ATP2B2: variants seen among roughly 807,000 people sequenced by gnomAD.
The protein encoded by ATP2B2 is plasma membrane calcium-transporting ATPase 2.
Under a neutral mutation model 120.0 loss-of-function variants are expected in ATP2B2, and 15 were observed. The observed-to-expected ratio is 0.12, with a 90% CI of 0.08 to 0.19. The LOEUF is 0.19. Among genes scored for constraint, ATP2B2 ranks in the 10% least tolerant of loss-of-function variants. The probability of loss-of-function intolerance (pLI) is 1.00; values close to 1 mark genes in which losing one functional copy is unlikely to be tolerated. For missense variants in ATP2B2, 1,045 were observed against 1,719.8 expected (o/e 0.61, Z 6.94); for synonymous variants, 694 against 700.3 (o/e 0.99, Z 0.14).
At chr3:10,338,049 G>T (rs995913721) in intron 22 of ATP2B2, 127 bp downstream of exon 22, 2 of 1,259,988 alleles carry the variant, frequency 1.6e-6, no homozygotes, top group African/African-American at 1.5e-5. Flanking sequence ...AGCTGGCCGG[G>T]ACCCCTCTGT....
intron 2 of ATP2B2, among the ~76,000 whole-genome samples, chr3:10,591,720 G>A (rs555697858): frequency 2.0e-5 from 3 of 152,308 alleles, no homozygotes; most frequent in South Asian, 2.1e-4. Context: ...TAACAGCCTC[G>A]ATGGTTCAAG....
intron 2 of ATP2B2, among the ~76,000 whole-genome samples, chr3:10,605,106 A>T (rs1258779813): frequency 2.0e-5 from 3 of 152,172 alleles, no homozygotes; most frequent in Admixed American, 6.5e-5. Context: ...TAATACTTCC[A>T]TCTCTGCCAC....
chr3:10,570,907 C>G (rs1436123036), intron 2 of ATP2B2, among the ~76,000 whole-genome samples: 1 of 152,252 alleles, frequency 6.6e-6, no homozygotes, highest in Non-Finnish European at 1.5e-5. Flanking sequence ...GGCCCCTACT[C>G]TCCAATCCTT....
chr3:10,696,333 AAC>A (rs1358904212), intron 1 of ATP2B2, among the ~76,000 whole-genome samples: 1 of 152,162 alleles, frequency 6.6e-6, no homozygotes, highest in Admixed American at 6.5e-5. Context: ...TCAGTCTTTG[AAC>A]ACACAGTCTT....
chr3:10,539,958 C>T (rs1022806073), intron 2 of ATP2B2, among the ~76,000 whole-genome samples: 6 of 152,196 alleles, frequency 3.9e-5, no homozygotes, highest in African/African-American at 1.4e-4. Flanking sequence ...AAAATTTTTG[C>T]AATCTACCCA....
intron 1 of ATP2B2, among the ~76,000 whole-genome samples, chr3:10,641,883 C>T (rs927887713): frequency 6.6e-6 from 1 of 152,052 alleles, no homozygotes; most frequent in Non-Finnish European, 1.5e-5. Flanking sequence ...CCTACCCACC[C>T]ATCCATCCAT....
rs188967230 is a variant in ATP2B2 at position 10,571,340 on chromosome 3, G to A, written c.-414-37207C>T. On this transcript the variant is annotated intron_variant, in intron 2 of 21. Transcript: ENST00000646379. ...AGAGCCTTCAGCAGGGATGCCAGAG[G>A]GCCAGGTAGGTGACTCGTGGCCTCA... is the stretch of plus-strand genomic sequence containing the variant. Among the ~76,000 whole-genome samples, 140 of 152,332 alleles carry A rather than the reference G, an allele frequency of 9.2e-4. 2 individuals carry two copies. The Middle Eastern group carries it at 0.01, about 11-fold the overall frequency.
chr3:10,368,016 T>C (rs2061116457), intron 12 of ATP2B2, among the ~76,000 whole-genome samples: 1 of 152,160 alleles, frequency 6.6e-6, no homozygotes, highest in Non-Finnish European at 1.5e-5. Context: ...CTCTTAACCA[T>C]TGCTTCCTGA....
chr3:10,360,201 C>T, intron 12 of ATP2B2, 78 bp from the exon 13 acceptor site: 1 of 1,509,410 alleles, frequency 6.6e-7, no homozygotes. Flanking sequence ...CACTGAGGCT[C>T]TGGGACTGCC....
At chr3:10,528,932 G>A (rs2067154494) in intron 3 of ATP2B2, among the ~76,000 whole-genome samples, 1 of 152,146 alleles carries the variant, frequency 6.6e-6, no homozygotes, top group African/African-American at 2.4e-5. Flanking sequence ...TATTTGGGAT[G>A]GGGAAGCTTA....
chr3:10,599,717 A>G (rs953698289), intron 2 of ATP2B2, among the ~76,000 whole-genome samples: 3 of 148,802 alleles, frequency 2.0e-5, no homozygotes, highest in Non-Finnish European at 4.4e-5. Context: ...TATTCATTCA[A>G]CCGTGACTGA....
intron 1 of ATP2B2, among the ~76,000 whole-genome samples, chr3:10,686,590 C>T (rs1053963601): frequency 3.3e-5 from 5 of 151,962 alleles, no homozygotes; most frequent in Middle Eastern, 3.4e-3. Flanking sequence ...GGAGGCAGAG[C>T]TTGCAGTGAG....
intron 1 of ATP2B2, among the ~76,000 whole-genome samples, chr3:10,687,929 A>G (rs948014216): frequency 6.6e-6 from 1 of 152,234 alleles, no homozygotes; most frequent in African/African-American, 2.4e-5. Flanking sequence ...GGGTGACCTT[A>G]GAAATAATAA....
At chr3:10,544,408 A>C (rs117076555) in intron 2 of ATP2B2, among the ~76,000 whole-genome samples, 48 of 152,312 alleles carry the variant, frequency 3.2e-4, no homozygotes, top group Non-Finnish European at 4.9e-4. Context: ...AGTTTAACAA[A>C]TATTTGTGGG....
chr3:10,411,352 T>G (rs2062603965), intron 2 of ATP2B2, among the ~76,000 whole-genome samples: 1 of 152,170 alleles, frequency 6.6e-6, no homozygotes, highest in South Asian at 2.1e-4. Context: ...ACCTCTGGCC[T>G]CGAGTCATGA....
At chr3:10,403,275 A>T (rs2062291245) in intron 3 of ATP2B2, among the ~76,000 whole-genome samples, 1 of 152,184 alleles carries the variant, frequency 6.6e-6, no homozygotes, top group African/African-American at 2.4e-5. Flanking sequence ...CGCCCTCCAC[A>T]GTGAGGACAC....
intron 22 of ATP2B2, chr3:10,332,086 T>A: frequency 6.6e-7 from 1 of 1,509,734 alleles, no homozygotes; most frequent in Non-Finnish European, 9.0e-7. Flanking sequence ...AGGTCTAGGG[T>A]TCCCCCCACA....
chr3:10,552,148 C>A (rs1031523402), intron 2 of ATP2B2, among the ~76,000 whole-genome samples: 3 of 152,040 alleles, frequency 2.0e-5, no homozygotes, highest in African/African-American at 4.8e-5. Context: ...ACCCTTCCCA[C>A]GGCCGCCGCC....
intron 1 of ATP2B2, among the ~76,000 whole-genome samples, chr3:10,668,861 T>TAGGCAGCAC (rs2071018601): frequency 6.6e-6 from 1 of 152,162 alleles, no homozygotes; most frequent in Admixed American, 6.5e-5. Context: ...ATGGGCAGCA[T>TAGGCAGCAC]ACAGTAGGCA....
Sources: allele counts gnomAD v4.1 joint callset (sites outside exome capture counted in the v4.1 genomes callset), GRCh38; gene constraint gnomAD v4.1.1; transcripts MANE v1.5; gene names NCBI Gene and HGNC (gene_info 2026-07-23, HGNC 2026-07-21).